The following CCDC178 variants were observed in gnomAD, a reference collection of about 807,000 sequenced individuals.
The protein encoded by CCDC178 is coiled-coil domain containing 178, also known as coiled-coil domain-containing protein 178.
Under a neutral mutation model 117.4 loss-of-function variants are expected in CCDC178, and 126 were observed. The ratio of observed to expected loss-of-function variants is 1.07; its 90% CI spans 0.93 to 1.24. The LOEUF is 1.24. CCDC178 is among the 50% of genes most tolerant of loss of function. The probability of loss-of-function intolerance (pLI) is 0.00; values close to 1 mark genes in which losing one functional copy is unlikely to be tolerated. For missense variants in CCDC178, 1,030 were observed against 986.9 expected (o/e 1.04, Z -0.59); for synonymous variants, 283 against 313.4 (o/e 0.90, Z 1.02).
intron 22 of CCDC178, among the ~76,000 whole-genome samples, chr18:32,960,494 G>T (rs2054684779): frequency 6.6e-6 from 1 of 152,100 alleles, no homozygotes; most frequent in Non-Finnish European, 1.5e-5. Flanking sequence ...TACATCAACA[G>T]TCAAGAAAAA....
chr18:33,094,778 A>G (rs1226778229), intron 20 of CCDC178, among the ~76,000 whole-genome samples: 1 of 152,028 alleles, frequency 6.6e-6, no homozygotes, highest in Non-Finnish European at 1.5e-5. Flanking sequence ...TATGCCAAAA[A>G]AGCAAATTGT....
intron 12 of CCDC178, among the ~76,000 whole-genome samples, chr18:33,289,287 G>C (rs1435059821): frequency 1.3e-5 from 2 of 152,010 alleles, no homozygotes; most frequent in Non-Finnish European, 2.9e-5. Context: ...CTCAAATCTT[G>C]AATCTTATTT....
rs774590092 is a variant in CCDC178 at position 33,245,233 on chromosome 18, A to G, written c.1593+12T>C. On this transcript the variant is annotated intron_variant, in intron 15 of 22. Transcript: ENST00000383096. ...TTTCATCATGAGTAAGAGGAACACA[A>G]AGATACACAACCTTGAACTTTCTTC... The G allele has an allele frequency of 1.2e-5, 19 of 1,551,166 alleles. No individual in the cohort carries two copies. The highest frequency in any genetic ancestry group is 4.1e-5 in the Admixed American group (2 of 49,196).
chr18:33,226,872 T>C lies in CCDC178; in HGVS notation c.1594-17A>G, dbSNP rs761906679. On this transcript the variant is annotated splice_polypyrimidine_tract_variant and intron_variant, in intron 15 of 22. Transcript: ENST00000383096. Reference sequence around the variant, plus strand: ...TTCTCTACCCTATATGTTAGGAAATTTTTAAAATGAGGATTTTCTTCATAA... The same window carrying C: ...TTCTCTACCCTATATGTTAGGAAATCTTTAAAATGAGGATTTTCTTCATAA... 2.9e-5 allele frequency: 42 copies of C among 1,439,738 alleles called. 1 individual carries two copies. The East Asian group carries it at 9.1e-4, about 31-fold the overall frequency. The allele number at this position is 1,439,738 out of a possible 1,614,324, so 89.2% of individuals were successfully genotyped here. A position where few individuals can be genotyped will look rare whatever the true frequency, so the allele number is the denominator to read the frequency against.
chr18:32,972,621 C>T (rs1031085298), intron 22 of CCDC178, among the ~76,000 whole-genome samples: 5 of 151,876 alleles, frequency 3.3e-5, no homozygotes, highest in East Asian at 1.9e-4. Context: ...ATTGCAGAAA[C>T]AGGGAAGAGT....
At chr18:33,249,486 G>A (rs898866947) in intron 14 of CCDC178, among the ~76,000 whole-genome samples, 1 of 152,036 alleles carries the variant, frequency 6.6e-6, no homozygotes, top group African/African-American at 2.4e-5. Flanking sequence ...TTCTACCTAT[G>A]GCTAGCTAGT....
intron 14 of CCDC178, among the ~76,000 whole-genome samples, chr18:33,259,611 C>G (rs1046883456): frequency 6.6e-6 from 1 of 152,046 alleles, no homozygotes; most frequent in African/African-American, 2.4e-5. Context: ...CTCACTATCA[C>G]GAGAACAGCA....
intron 20 of CCDC178, among the ~76,000 whole-genome samples, chr18:33,124,659 G>A (rs1467811424): frequency 1.3e-5 from 2 of 152,110 alleles, no homozygotes; most frequent in Non-Finnish European, 2.9e-5. Context: ...TGACAGTGGT[G>A]ATTTACTGAA....
intron 5 of CCDC178, among the ~76,000 whole-genome samples, chr18:33,384,491 C>T (rs747490846): frequency 8.5e-5 from 13 of 152,262 alleles, no homozygotes; most frequent in Non-Finnish European, 1.8e-4. Flanking sequence ...CAAAGGGCAA[C>T]CCATCAGACT....
chr18:33,054,086 C>G (rs745561845), intron 21 of CCDC178, among the ~76,000 whole-genome samples: 2 of 152,096 alleles, frequency 1.3e-5, no homozygotes, highest in Non-Finnish European at 2.9e-5. Flanking sequence ...AATTCACATT[C>G]TCTATCCCCG....
At chr18:33,228,452 G>T (rs2059333769) in intron 15 of CCDC178, among the ~76,000 whole-genome samples, 1 of 152,176 alleles carries the variant, frequency 6.6e-6, no homozygotes, top group Non-Finnish European at 1.5e-5. Flanking sequence ...AAGAACTGCA[G>T]GCAGTATATG....
chr18:33,029,709 C>G (rs2056298572), intron 21 of CCDC178, among the ~76,000 whole-genome samples: 1 of 151,842 alleles, frequency 6.6e-6, no homozygotes, highest in South Asian at 2.1e-4. Context: ...TCATTTATTT[C>G]AATGTATTTT....
intron 21 of CCDC178, among the ~76,000 whole-genome samples, chr18:33,074,012 G>A (rs1244181836): frequency 6.6e-6 from 1 of 152,034 alleles, no homozygotes; most frequent in African/African-American, 2.4e-5. Context: ...TGGGAATGAG[G>A]CTAGTGGTCA....
chr18:33,396,402 A>G (rs574131262), intron 4 of CCDC178, among the ~76,000 whole-genome samples: 1 of 152,286 alleles, frequency 6.6e-6, no homozygotes. Flanking sequence ...TTATCAAATA[A>G]TGTCAACGAT....
chr18:33,380,319 A>G (rs771398866), intron 5 of CCDC178, among the ~76,000 whole-genome samples: 1 of 152,234 alleles, frequency 6.6e-6, no homozygotes, highest in Admixed American at 6.5e-5. Context: ...CCTGCTCCAC[A>G]GAAAGCAAAG....
intron 9 of CCDC178, among the ~76,000 whole-genome samples, chr18:33,336,839 G>A (rs993393308): frequency 2.7e-5 from 4 of 146,856 alleles, no homozygotes; most frequent in Non-Finnish European, 6.1e-5. Context: ...GATGCCTCCA[G>A]ATTTGTTCTT....
intron 21 of CCDC178, among the ~76,000 whole-genome samples, chr18:32,993,162 T>C (rs1279422547): frequency 1.3e-5 from 2 of 151,780 alleles, no homozygotes; most frequent in Non-Finnish European, 2.9e-5. Flanking sequence ...TGAAACTCTG[T>C]CTGAAGAAAA....
At chr18:33,375,480 A>C (rs1484562852) in intron 5 of CCDC178, among the ~76,000 whole-genome samples, 1 of 152,168 alleles carries the variant, frequency 6.6e-6, no homozygotes, top group Non-Finnish European at 1.5e-5. Flanking sequence ...ATTGAGAGTA[A>C]GGAAGGGAGG....
intron 7 of CCDC178, among the ~76,000 whole-genome samples, chr18:33,355,296 G>A (rs907482675): frequency 6.6e-6 from 1 of 152,176 alleles, no homozygotes; most frequent in Admixed American, 6.5e-5. Context: ...CATAATGGCT[G>A]TATTATTTGT....
Sources: gnomAD v4.1 joint callset for allele counts (sites outside exome capture counted in the v4.1 genomes callset) on GRCh38, gnomAD v4.1.1 for gene constraint, MANE v1.5 for transcripts, NCBI Gene and HGNC (gene_info 2026-07-23, HGNC 2026-07-21) for gene names.